Variants in TMPRSS13 observed in about 807,000 individuals in gnomAD.
The protein encoded by TMPRSS13 is transmembrane serine protease 13.
A neutral mutation model predicts 68.4 loss-of-function variants in TMPRSS13; 50 were observed. The observed-to-expected ratio is 0.73, with a 90% CI of 0.58 to 0.93. The LOEUF (loss-of-function observed/expected upper bound fraction) is 0.93. Among genes scored for constraint, TMPRSS13 ranks in the 40% least tolerant of loss-of-function variants. The probability of loss-of-function intolerance (pLI) is 0.00; values close to 1 mark genes in which losing one functional copy is unlikely to be tolerated. For synonymous variants in TMPRSS13, 267 were observed against 285.8 expected, an observed-to-expected ratio of 0.93 and a Z score of 0.66; for missense variants, 615 against 729.2, an observed-to-expected ratio of 0.84 and a Z score of 1.80.
rs2057601009 is a variant in TMPRSS13, at chr11:117,918,418, C to T, written c.442G>A (p.Glu148Lys). Residue 148 changes from glutamate to lysine, a missense_variant, in exon 2 of 13, where the codon GAG becomes AAG. Physicochemically the swap from Glu to Lys is moderately conservative, Grantham distance 56. Coordinates refer to ENST00000524993, the MANE Select transcript of TMPRSS13 (RefSeq NM_001077263.3). ...RSAPATRATR[E>K]SPGTSLPKFT... is the part of the protein sequence containing the mutation. ...ACAGCATCCCCCTTACCTGGGCTCT[C>T]CCTGGTGGCCCTGGTTGCTGGTGCT... 6.2e-7 allele frequency: 1 copy of T among 1,613,382 alleles called. No individual in the cohort carries two copies. Among genetic ancestry groups the T allele is most frequent in the Admixed American group, 1.7e-5 (1 of 59,980 alleles).
At chr11:117,920,097 G>C (rs558375301) in intron 1 of TMPRSS13, among the ~76,000 whole-genome samples, 4 of 152,282 alleles carry the variant, frequency 2.6e-5, no homozygotes, top group African/African-American at 9.6e-5. Flanking sequence ...GGGGCATCGG[G>C]GTCAGGTGAG....
At chr11:117,907,585 A>C (rs2057476456) in intron 9 of TMPRSS13, 1 of 154,318 alleles carries the variant, frequency 6.5e-6, no homozygotes, top group Admixed American at 6.6e-5. Context: ...TCCCTCTCCC[A>C]CCTTTACAGA....
chr11:117,928,958 C>T (rs900101989), intron 1 of TMPRSS13, among the ~76,000 whole-genome samples: 4 of 152,152 alleles, frequency 2.6e-5, no homozygotes, highest in Non-Finnish European at 2.9e-5. Flanking sequence ...GATTCCCAAT[C>T]GGCAAAGTTG....
At chr11:117,906,164 G>C (rs557998230) in intron 9 of TMPRSS13, among the ~76,000 whole-genome samples, 1 of 152,362 alleles carries the variant, frequency 6.6e-6, no homozygotes, top group South Asian at 2.1e-4. Context: ...CATCTCAGCG[G>C]TATGTCCAGC....
rs998319992 is a variant in TMPRSS13, at chr11:117,908,668, T to C, written c.1226A>G (p.Glu409Gly). ...EIIINSNYTD[E>G]EDDYDIALMR... ...GAGGGCGATGTCATAGTCGTCCTCCTCATCGGTGTAATTGCTGTTGATGAT... is the reference window on the plus strand; with the variant it reads ...GAGGGCGATGTCATAGTCGTCCTCCCCATCGGTGTAATTGCTGTTGATGAT... The change falls in exon 9 of 13, where the codon GAG (glutamate) becomes GGG (glycine). Residue 409 changes from glutamate (E) to glycine (G), a missense_variant. Transcript: ENST00000524993. 1 of 1,590,116 alleles carries C rather than the reference T, an allele frequency of 6.3e-7. No individual in the cohort carries two copies. The highest frequency in any genetic ancestry group is 1.3e-5 in the African/African-American group (1 of 74,734).
Position 117,902,080 on chromosome 11 carries a change from A to G in TMPRSS13, c.*159T>C, listed in dbSNP as rs969137858. On this transcript the variant is annotated 3_prime_UTR_variant, in exon 13 of 13. Transcript: ENST00000524993. ...TGGCAATGCACACATATGCACACAC[A>G]CACACACACACACACACACACACAG... 4.5e-6 allele frequency: 3 copies of G among 665,484 alleles called. No individual in the cohort carries two copies. The highest frequency in any genetic ancestry group is 5.1e-6 in the Non-Finnish European group (2 of 390,262). The allele number at this position is 665,484 out of a possible 1,614,324, so 41.2% of individuals were successfully genotyped here.
chr11:117,926,918 C>A (rs565564651), intron 1 of TMPRSS13, among the ~76,000 whole-genome samples: 33 of 152,282 alleles, frequency 2.2e-4, no homozygotes, highest in Non-Finnish European at 3.8e-4. Context: ...TCTAAATGAG[C>A]CTTACTATGG....
At chr11:117,907,517 G>C (rs1282457759) in intron 9 of TMPRSS13, 1 of 152,356 alleles carries the variant, frequency 6.6e-6, no homozygotes, top group Non-Finnish European at 1.5e-5. Flanking sequence ...CAGAGCACGA[G>C]AATGGCTGGA....
chr11:117,918,449 G>A lies in TMPRSS13; in HGVS notation c.411C>T (p.Ala137=). ...VGAVPIRSSP[A]RSAPATRATR... Reference sequence around the variant, plus strand: ...TGGCCCTGGTTGCTGGTGCTGACCTGGCAGGAGATGATCGGATGGGTACAG... The same window carrying A: ...TGGCCCTGGTTGCTGGTGCTGACCTAGCAGGAGATGATCGGATGGGTACAG... The change falls in exon 2 of 13, where the codon GCC becomes GCT. Residue 137 remains alanine (A), a synonymous_variant. Transcript: ENST00000524993. 1 of 1,614,156 alleles carries A rather than the reference G, an allele frequency of 6.2e-7. No individual in the cohort carries two copies. Among genetic ancestry groups the A allele is most frequent in the South Asian group, 1.1e-5 (1 of 91,082 alleles).
intron 9 of TMPRSS13, among the ~76,000 whole-genome samples, chr11:117,907,131 G>A (rs1409594943): frequency 1.3e-5 from 2 of 152,182 alleles, no homozygotes; most frequent in Admixed American, 6.5e-5. Context: ...GAGGGTGGGT[G>A]GGAGGTAAGA....
intron 12 of TMPRSS13, chr11:117,903,081 T>C (rs926498995): frequency 3.4e-6 from 4 of 1,176,104 alleles, no homozygotes; most frequent in Non-Finnish European, 3.2e-6. Context: ...TCTTTTATGA[T>C]AGTAGTGAGG....
rs901293280 is a variant in TMPRSS13 at position 117,914,876 on chromosome 11, C to T, written c.557-362G>A. Among the ~76,000 whole-genome samples, 6 of 152,144 alleles carry T rather than the reference C, an allele frequency of 3.9e-5. No individual in the cohort carries two copies. Among genetic ancestry groups the T allele is most frequent in the African/African-American group, 1.2e-4 (5 of 41,428 alleles). Reference sequence around the variant, plus strand: ...CACCTCCTCCAGTATCCCAGAGCTTCCCTCTCAGAACCCCTCTGCCATCCC... The same window carrying T: ...CACCTCCTCCAGTATCCCAGAGCTTTCCTCTCAGAACCCCTCTGCCATCCC... On this transcript the variant is annotated intron_variant, in intron 3 of 12. Transcript: ENST00000524993. This position sits in a 1 kb window ranked among gnomAD's most constrained non-coding sequence, Gnocchi z 4.2.
intron 4 of TMPRSS13, 34 bp from the exon 5 acceptor site, chr11:117,913,940 A>AG: frequency 6.2e-7 from 1 of 1,607,086 alleles, no homozygotes; most frequent in Non-Finnish European, 8.5e-7. Flanking sequence ...GCAGGTCCTC[A>AG]GCACCTAGGA....
Position 117,913,864 on chromosome 11 carries a change from C to A in TMPRSS13, c.722G>T (p.Gly241Val), listed in dbSNP as rs760541828. ...WDKSLLKIYS[G>V]SSHQWLPICS... ...GATGGGAAGCCACTGATGGGAGGAC[C>A]CAGAGTAGATTTTAAGCAGAGACTT... Residue 241 changes from glycine to valine, a missense_variant, in exon 5 of 13, where the codon GGG becomes GTG. Coordinates refer to ENST00000524993, the MANE Select transcript of TMPRSS13 (RefSeq NM_001077263.3). The A allele has an allele frequency of 6.2e-7, 1 of 1,613,940 alleles. No individual in the cohort carries two copies.
rs2057655846 is a variant in TMPRSS13, at chr11:117,922,201, T to C, written c.22-3363A>G. Among the ~76,000 whole-genome samples, 1 of 152,136 alleles carries C rather than the reference T, an allele frequency of 6.6e-6. No homozygotes were observed. ...CCTCAGAGTAGAGGCCTTCAGCAGC[T>C]GGGGAATAGGAAGGGGAGGAGACTA... On this transcript the variant is annotated intron_variant, in intron 1 of 12. Coordinates refer to ENST00000524993, the MANE Select transcript of TMPRSS13 (RefSeq NM_001077263.3). This position sits in a 1 kb window ranked among gnomAD's most constrained non-coding sequence, Gnocchi z 4.2.
chr11:117,918,071 G>T (rs1468863315), intron 2 of TMPRSS13, among the ~76,000 whole-genome samples: 1 of 152,112 alleles, frequency 6.6e-6, no homozygotes, highest in Non-Finnish European at 1.5e-5. Flanking sequence ...CAGACCCACA[G>T]GACAGCACAA....
chr11:117,903,022 G>C, intron 12 of TMPRSS13: 2 of 1,040,384 alleles, frequency 1.9e-6, no homozygotes, highest in Non-Finnish European at 2.3e-6. Flanking sequence ...ATAGGTTAAA[G>C]CAAGTCAAAA....
At position 117,905,697 on chromosome 11, in the gene TMPRSS13, G is replaced by A. The variant is rs747411879; in HGVS notation, c.1322C>T (p.Thr441Ile). The change falls in exon 10 of 13, where the codon ACC becomes ATC. Residue 441 changes from threonine (T) to isoleucine (I), a missense_variant. By Grantham distance (89) the Thr-to-Ile change is moderately conservative. Coordinates refer to ENST00000524993, the MANE Select transcript of TMPRSS13 (RefSeq NM_001077263.3). ...CCAGCAGGTCTCATTGAGGCTAAAGGTCTGTCCATGCATGGGGAGGCAAGC... is the reference window on the plus strand; with the variant it reads ...CCAGCAGGTCTCATTGAGGCTAAAGATCTGTCCATGCATGGGGAGGCAAGC... ...HPACLPMHGQ[T>I]FSLNETCWIT... 1.9e-6 allele frequency: 3 copies of A among 1,606,128 alleles called. No individual in the cohort carries two copies. Among genetic ancestry groups the A allele is most frequent in the African/African-American group, 1.3e-5 (1 of 74,960 alleles).
chr11:117,919,754 T>C (rs2057624261), intron 1 of TMPRSS13, among the ~76,000 whole-genome samples: 1 of 152,238 alleles, frequency 6.6e-6, no homozygotes, highest in African/African-American at 2.4e-5. Context: ...GAAGGCCATT[T>C]TACAGATAGG....
Sources: allele counts gnomAD v4.1 joint callset (sites outside exome capture counted in the v4.1 genomes callset), GRCh38; gene constraint gnomAD v4.1.1; non-coding constraint Gnocchi (gnomAD v3.1); transcripts MANE v1.5; gene names NCBI Gene and HGNC (gene_info 2026-07-23, HGNC 2026-07-21).